The following MTUS2 variants were observed in gnomAD, a reference collection of about 807,000 sequenced individuals.
MTUS2 encodes microtubule associated scaffold protein 2.
MTUS2 carries 40 observed loss-of-function variants against 114.1 expected under a neutral mutation model. The ratio of observed to expected loss-of-function variants is 0.35; its 90% CI spans 0.27 to 0.46. The LOEUF is 0.46. Ranked by LOEUF, MTUS2 falls within the 20% of genes least tolerant of loss-of-function variation. MTUS2 has a pLI of 1.00. For synonymous variants in MTUS2, 688 were observed against 672.0 expected (o/e 1.02, Z -0.37); for missense variants, 1,679 against 1,705.4 (o/e 0.98, Z 0.27).
chr13:29,129,458 T>A (rs1891661781), intron 5 of MTUS2, among the ~76,000 whole-genome samples: 1 of 152,216 alleles, frequency 6.6e-6, no homozygotes, highest in African/African-American at 2.4e-5. Context: ...CCCAAGCAAA[T>A]CTACCTTGTC....
intron 2 of MTUS2, among the ~76,000 whole-genome samples, chr13:28,987,527 G>C (rs1236488338): frequency 6.6e-6 from 1 of 152,134 alleles, no homozygotes; most frequent in East Asian, 1.9e-4. Context: ...TTAGGCTTGA[G>C]GAAGCTCGAC....
intron 2 of MTUS2, among the ~76,000 whole-genome samples, chr13:28,941,293 A>G (rs1162263198): frequency 6.6e-6 from 1 of 152,106 alleles, no homozygotes; most frequent in East Asian, 1.9e-4. Context: ...GTATTTACAT[A>G]TATTCTGCAT....
At chr13:29,431,109 A>C (rs561682277) in intron 8 of MTUS2, among the ~76,000 whole-genome samples, 3 of 152,346 alleles carry the variant, frequency 2.0e-5, no homozygotes, top group East Asian at 3.9e-4. Context: ...TGGTGGGACA[A>C]TTAAAGATAC....
At chr13:28,871,817 G>C (rs1877635173) in intron 2 of MTUS2, among the ~76,000 whole-genome samples, 1 of 152,202 alleles carries the variant, frequency 6.6e-6, no homozygotes, top group Non-Finnish European at 1.5e-5. Context: ...TCAGAGACCT[G>C]TGTCATGCAA....
At position 29,226,266 on chromosome 13, in the gene MTUS2, A is replaced by G. The variant is rs150932649; in HGVS notation, c.2645-55438A>G. On this transcript the variant is annotated intron_variant, in intron 5 of 15. Transcript: ENST00000612955. ...GAATAAAGATACTTGGAAATAGTTCATTGTAGGTTTCACCAAATAATATTT... is the reference window on the plus strand; with the variant it reads ...GAATAAAGATACTTGGAAATAGTTCGTTGTAGGTTTCACCAAATAATATTT... 7.6e-3 allele frequency among the ~76,000 whole-genome samples: 1,151 copies of G among 152,350 alleles called. 6 individuals carry two copies. Among genetic ancestry groups the G allele is most frequent in the South Asian group, 0.012 (59 of 4,834 alleles).
intron 5 of MTUS2, among the ~76,000 whole-genome samples, chr13:29,123,981 C>T (rs1330834867): frequency 6.6e-6 from 1 of 152,166 alleles, no homozygotes; most frequent in Admixed American, 6.5e-5. Flanking sequence ...ACACCATTGC[C>T]AAATATTTGA....
chr13:29,368,421 T>C (rs2138283383), intron 8 of MTUS2, among the ~76,000 whole-genome samples: 1 of 149,942 alleles, frequency 6.7e-6, no homozygotes, highest in Middle Eastern at 3.5e-3. Context: ...TAATGTTTGA[T>C]AGCATAGTAG....
chr13:29,433,953 A>T (rs1877214527), intron 8 of MTUS2, among the ~76,000 whole-genome samples: 2 of 152,188 alleles, frequency 1.3e-5, no homozygotes, highest in Admixed American at 1.3e-4. Flanking sequence ...TCTCTTATTT[A>T]ATTTCCTGTT....
At chr13:29,052,386 C>T (rs1887937927) in intron 4 of MTUS2, among the ~76,000 whole-genome samples, 1 of 140,084 alleles carries the variant, frequency 7.1e-6, no homozygotes. Flanking sequence ...AAGTCTGAGA[C>T]ACAGGAATCA....
intron 2 of MTUS2, among the ~76,000 whole-genome samples, chr13:29,007,231 GTTTTAAAT>G (rs1236404265): frequency 2.6e-5 from 4 of 151,896 alleles, no homozygotes; most frequent in Admixed American, 6.6e-5. Context: ...GAAAACAGTT[GTTTTAAAT>G]TTTTAAATTT....
At chr13:29,209,112 T>C (rs980421535) in intron 5 of MTUS2, among the ~76,000 whole-genome samples, 3 of 152,168 alleles carry the variant, frequency 2.0e-5, no homozygotes, top group African/African-American at 7.2e-5. Flanking sequence ...GCTCCAGTGT[T>C]AGGTGTATGT....
Position 29,359,357 on chromosome 13 carries a change from C to G in MTUS2, c.3001C>G (p.Leu1001Val), listed in dbSNP as rs754853641. Residue 1001 changes from leucine to valine, a missense_variant, in exon 8 of 16, where the codon CTG becomes GTG. Physicochemically the swap from Leu to Val is conservative, Grantham distance 32 (BLOSUM62 1). Coordinates refer to ENST00000612955, the MANE Select transcript of MTUS2 (RefSeq NM_001033602.4). Reference sequence around the variant, plus strand: ...GGCTGAGCGGCAGCTGGTGCTGCGGCTGAAGGAGCGGTGTGAGCAGCAGAC... The same window carrying G: ...GGCTGAGCGGCAGCTGGTGCTGCGGGTGAAGGAGCGGTGTGAGCAGCAGAC... The part of the protein sequence containing the change: ...REAERQLVLR[L>V]KERCEQQTRQ... 2.7e-5 allele frequency: 43 copies of G among 1,612,460 alleles called. No individual in the cohort carries two copies. Among genetic ancestry groups the G allele is most frequent in the Non-Finnish European group, 3.4e-5 (40 of 1,179,474 alleles).
chr13:29,220,838 G>T (rs1398774287), intron 5 of MTUS2, among the ~76,000 whole-genome samples: 1 of 152,160 alleles, frequency 6.6e-6, no homozygotes, highest in Non-Finnish European at 1.5e-5. Context: ...ACACCACAGG[G>T]TTTCCGCAGA....
chr13:28,909,649 A>T (rs947812260), intron 2 of MTUS2, among the ~76,000 whole-genome samples: 1 of 152,218 alleles, frequency 6.6e-6, no homozygotes, highest in Non-Finnish European at 1.5e-5. Context: ...CACCACTTCT[A>T]TTCAACATAG....
intron 1 of MTUS2, among the ~76,000 whole-genome samples, chr13:28,834,102 A>G (rs1381141491): frequency 3.3e-5 from 5 of 152,142 alleles, no homozygotes; most frequent in Non-Finnish European, 5.9e-5. Context: ...TGCTTCCCAT[A>G]TTGATCTGCA....
At chr13:28,914,677 T>C (rs1330893278) in intron 2 of MTUS2, among the ~76,000 whole-genome samples, 1 of 151,984 alleles carries the variant, frequency 6.6e-6, no homozygotes, top group Non-Finnish European at 1.5e-5. Flanking sequence ...ATATTTTCAG[T>C]TGGGTGTTAA....
At chr13:29,328,214 G>C (rs749142676) in intron 7 of MTUS2, among the ~76,000 whole-genome samples, 43 of 152,180 alleles carry the variant, frequency 2.8e-4, no homozygotes, top group Non-Finnish European at 4.6e-4. Context: ...TTTGATAATA[G>C]AAAAATCCAA....
chr13:29,361,629 G>C (rs1469209619), intron 8 of MTUS2, among the ~76,000 whole-genome samples: 2 of 152,116 alleles, frequency 1.3e-5, no homozygotes, highest in Non-Finnish European at 2.9e-5. Flanking sequence ...TAGAGGCAAA[G>C]CAGCCCTGAA....
intron 5 of MTUS2, among the ~76,000 whole-genome samples, chr13:29,203,960 CTT>C (rs35269061): frequency 6.9e-5 from 10 of 145,142 alleles, no homozygotes; most frequent in Admixed American, 6.9e-5. Flanking sequence ...GAAGCTGTTA[CTT>C]TTTTTTTTTT....
Sources: gnomAD v4.1 joint callset for allele counts (sites outside exome capture counted in the v4.1 genomes callset) on GRCh38, gnomAD v4.1.1 for gene constraint, MANE v1.5 for transcripts, NCBI Gene and HGNC (gene_info 2026-07-23, HGNC 2026-07-21) for gene names.